CACNA1C: variants seen among roughly 807,000 people sequenced by gnomAD.
CACNA1C encodes the protein voltage-dependent L-type calcium channel subunit alpha-1C.
In CACNA1C, 30 loss-of-function variants were observed where a neutral mutation model predicts 229.0. The ratio of observed to expected loss-of-function variants is 0.13; its 90% CI spans 0.10 to 0.18. The LOEUF (loss-of-function observed/expected upper bound fraction) is 0.18. Ranked by LOEUF, CACNA1C falls within the 10% of genes least tolerant of loss-of-function variation. CACNA1C has a pLI of 1.00. For missense variants in CACNA1C, 1,658 were observed against 2,845.0 expected (o/e 0.58, Z 9.49); for synonymous variants, 1,114 against 1,132.5 (o/e 0.98, Z 0.33).
chr12:2,099,150 G>A (rs544475243), intron 1 of CACNA1C, among the ~76,000 whole-genome samples: 17 of 152,224 alleles, frequency 1.1e-4, no homozygotes, highest in Non-Finnish European at 1.6e-4. Flanking sequence ...TCATGGAGGC[G>A]AGCAGATAGG....
rs570550297 is a variant in CACNA1C, at chr12:2,483,081, G to A, written c.758-3023G>A. Among the ~76,000 whole-genome samples, 144 of 152,350 alleles carry A rather than the reference G, an allele frequency of 9.5e-4. 1 individual carries two copies. In the South Asian group the frequency reaches 0.024, roughly 25 times the overall value. On this transcript the variant is annotated intron_variant, in intron 5 of 46. Coordinates refer to ENST00000399655, the MANE Select transcript of CACNA1C (RefSeq NM_000719.7). ...ATGGAGTCCCTCCCCACGTGCCTGA[G>A]ACACAAAGATAAGAAGATGTGATGA... is the stretch of plus-strand genomic sequence containing the variant.
intron 5 of CACNA1C, among the ~76,000 whole-genome samples, chr12:2,460,360 G>A (rs113583428): frequency 0.012 from 1,796 of 152,322 alleles, 45 homozygotes; most frequent in African/African-American, 0.04. Context: ...ATGGGTGAAC[G>A]ATTGAGAACA....
At chr12:2,636,529 C>G (rs368547049) in intron 30 of CACNA1C, among the ~76,000 whole-genome samples, 2 of 152,230 alleles carry the variant, frequency 1.3e-5, no homozygotes, top group Admixed American at 1.3e-4. Context: ...TCTGACAACT[C>G]TAAACTACCC....
chr12:2,111,969 C>A (rs971121965), intron 1 of CACNA1C, among the ~76,000 whole-genome samples: 1 of 152,146 alleles, frequency 6.6e-6, no homozygotes, highest in Non-Finnish European at 1.5e-5. Flanking sequence ...AAATCCAGCC[C>A]CTTGTATCTC....
At chr12:2,375,118 C>T (rs2098006898) in intron 3 of CACNA1C, among the ~76,000 whole-genome samples, 1 of 152,212 alleles carries the variant, frequency 6.6e-6, no homozygotes, top group African/African-American at 2.4e-5. Context: ...TGGGGAAAGT[C>T]AGGGTTGGAA....
intron 1 of CACNA1C, among the ~76,000 whole-genome samples, chr12:2,109,792 A>C (rs1347371917): frequency 6.6e-6 from 1 of 152,080 alleles, no homozygotes; most frequent in Non-Finnish European, 1.5e-5. Context: ...TAGGATGGAG[A>C]TCTTCCTCAC....
At chr12:2,071,544 T>C (rs1016759505) in intron 1 of CACNA1C, among the ~76,000 whole-genome samples, 2 of 151,962 alleles carry the variant, frequency 1.3e-5, no homozygotes, top group Non-Finnish European at 2.9e-5. Flanking sequence ...TTTTCAAATA[T>C]TATCTCTCCC....
chr12:2,205,062 A>G (rs898896125), intron 3 of CACNA1C, among the ~76,000 whole-genome samples: 1 of 151,958 alleles, frequency 6.6e-6, no homozygotes, highest in Admixed American at 6.6e-5. Flanking sequence ...TCTTGGCCAC[A>G]TGTGTGGGAG....
intron 1 of CACNA1C, among the ~76,000 whole-genome samples, chr12:1,978,163 G>A (rs1468181340): frequency 2.0e-5 from 3 of 152,184 alleles, no homozygotes; most frequent in Non-Finnish European, 4.4e-5. Flanking sequence ...GAAAGCAGAT[G>A]TCGCAACCCA....
chr12:2,177,978 G>A (rs1439074487), intron 3 of CACNA1C, among the ~76,000 whole-genome samples: 6 of 152,122 alleles, frequency 3.9e-5, no homozygotes, highest in Non-Finnish European at 7.3e-5. Flanking sequence ...ATTCCCACAA[G>A]CCTAGCATGA....
intron 11 of CACNA1C, among the ~76,000 whole-genome samples, chr12:2,560,879 CT>C (rs1232283417): frequency 7.6e-6 from 1 of 131,468 alleles, no homozygotes; most frequent in African/African-American, 2.8e-5. Flanking sequence ...AAAGTGGAAA[CT>C]TACTCTAGCC....
rs1037061745 is a variant in CACNA1C at position 2,053,404 on chromosome 12, C to G, written c.-159C>G. 246 of 1,409,432 alleles carry G rather than the reference C, an allele frequency of 1.7e-4. No homozygotes were observed. The highest frequency in any genetic ancestry group is 2.2e-4 in the Non-Finnish European group (237 of 1,077,724). The allele number at this position is 1,409,432 out of a possible 1,614,324, so 87.3% of individuals were successfully genotyped here. ...GATGCCATAATGGGAATCAGGTAAT[C>G]GTCGGCGGGGAAGAAGAAACGCTGC... On this transcript the variant is annotated 5_prime_UTR_variant, in exon 1 of 47. The change creates a new upstream start codon in the 5' untranslated region. Coordinates refer to ENST00000399655, the MANE Select transcript of CACNA1C (RefSeq NM_000719.7). This position sits in a 1 kb window ranked among gnomAD's most constrained non-coding sequence, Gnocchi z 5.8.
Position 2,492,133 on chromosome 12 carries a change from C to T in CACNA1C, c.917-1057C>T, listed in dbSNP as rs148144048. On this transcript the variant is annotated intron_variant, in intron 6 of 46. Transcript: ENST00000399655. ...TCACAAACTTTTGTGAATTCCACAC[C>T]GTTACCTTCCATAGCCAGAGCCAAG... Among the ~76,000 whole-genome samples the T allele has an allele frequency of 5.2e-3, 789 of 152,246 alleles. 1 individual carries two copies. The highest frequency in any genetic ancestry group is 0.014 in the Middle Eastern group (4 of 294).
At chr12:2,642,005 G>A (rs1365081568) in intron 30 of CACNA1C, among the ~76,000 whole-genome samples, 1 of 152,196 alleles carries the variant, frequency 6.6e-6, no homozygotes, top group Non-Finnish European at 1.5e-5. Context: ...CTGGTGTGAT[G>A]TGGGGTTGAG....
At chr12:2,657,855 A>G (rs2095502407) in intron 34 of CACNA1C, among the ~76,000 whole-genome samples, 1 of 152,198 alleles carries the variant, frequency 6.6e-6, no homozygotes, top group East Asian at 1.9e-4. Flanking sequence ...TTCCAGGTGA[A>G]AGGCATTAAA....
chr12:2,083,540 T>C (rs922516319), intron 1 of CACNA1C, among the ~76,000 whole-genome samples: 2 of 152,222 alleles, frequency 1.3e-5, no homozygotes, highest in African/African-American at 4.8e-5. Context: ...CCATCTCAGG[T>C]TGTGCTCTTG....
chr12:2,682,873 C>CAA (rs2097228379), intron 43 of CACNA1C, among the ~76,000 whole-genome samples, 195 bp downstream of exon 43: 3 of 132 alleles, frequency 0.023, no homozygotes, highest in Admixed American at 0.05. Context: ...CACAAACACA[C>CAA]ACACACCACA....
At chr12:2,652,465 G>A (rs1035990427) in intron 32 of CACNA1C, among the ~76,000 whole-genome samples, 3 of 152,248 alleles carry the variant, frequency 2.0e-5, no homozygotes, top group African/African-American at 4.8e-5. Context: ...CGCAGAACCC[G>A]TGAAGGCGGT....
chr12:2,663,687 T>C (rs1462277251), intron 34 of CACNA1C, among the ~76,000 whole-genome samples: 1 of 150,708 alleles, frequency 6.6e-6, no homozygotes, highest in African/African-American at 2.4e-5. Flanking sequence ...AACCACCTGT[T>C]CCCAAAAAAC....
Sources: allele counts gnomAD v4.1 joint callset (sites outside exome capture counted in the v4.1 genomes callset), GRCh38; gene constraint gnomAD v4.1.1; non-coding constraint Gnocchi (gnomAD v3.1); transcripts MANE v1.5; gene names NCBI Gene and HGNC (gene_info 2026-07-23, HGNC 2026-07-21).